The following EIF5B variants were observed in gnomAD, a reference collection of about 807,000 sequenced individuals.
EIF5B encodes the protein eukaryotic translation initiation factor 5B.
Under a neutral mutation model 147.5 loss-of-function variants are expected in EIF5B, and 47 were observed. The ratio of observed to expected loss-of-function variants is 0.32; its 90% confidence interval spans 0.25 to 0.41. The LOEUF (loss-of-function observed/expected upper bound fraction) is 0.41. EIF5B is among the 10% of genes least tolerant of loss of function. The pLI is 1.00. For synonymous variants in EIF5B, 455 were observed against 456.2 expected, an observed-to-expected ratio of 1.00 and a Z score of 0.03; for missense variants, 1,064 against 1,413.2, an observed-to-expected ratio of 0.75 and a Z score of 3.96.
At chr2:99,388,547 C>T (rs1674856292) in intron 14 of EIF5B, among the ~76,000 whole-genome samples, 1 of 152,030 alleles carries the variant, frequency 6.6e-6, no homozygotes, top group Non-Finnish European at 1.5e-5. Context: ...TTGATTGTGT[C>T]AAATTCTTTT....
chr2:99,342,141 G>A (rs564130237), intron 1 of EIF5B, among the ~76,000 whole-genome samples: 1 of 152,278 alleles, frequency 6.6e-6, no homozygotes, highest in South Asian at 2.1e-4. Flanking sequence ...TGTCTTACAG[G>A]TGCTGAGAAT....
intron 17 of EIF5B, among the ~76,000 whole-genome samples, chr2:99,392,490 T>A (rs906307533): frequency 1.3e-5 from 2 of 152,184 alleles, no homozygotes; most frequent in African/African-American, 4.8e-5. Flanking sequence ...ACTGCAGTAT[T>A]TTAGTTTCAT....
At chr2:99,381,201 G>A (rs1674680363) in intron 12 of EIF5B, among the ~76,000 whole-genome samples, 1 of 152,092 alleles carries the variant, frequency 6.6e-6, no homozygotes, top group African/African-American at 2.4e-5. Context: ...TTAGTCACTA[G>A]AGGAGAGGGT....
chr2:99,356,165 A>G lies in EIF5B; in HGVS notation c.36-4071A>G, dbSNP rs181468497. Among the ~76,000 whole-genome samples the G allele has an allele frequency of 7.2e-5, 11 of 152,210 alleles. No individual in the cohort carries two copies. The East Asian group carries it at 2.1e-3, about 29-fold the overall frequency. ...GGATACCACATTACATTTAGTCAGC[A>G]TTTATCCTTAGATTTGTCTTATCTG... On this transcript the variant is annotated intron_variant, in intron 1 of 23. Transcript: ENST00000289371.
rs544157790 is a variant in EIF5B at position 99,374,210 on chromosome 2, C to T, written c.1553-2137C>T. ...TGACTGAGGCATGAGAATCGCTTCA[C>T]CCTGGGAAGCAGAGGTTGCAGTGAG... On this transcript the variant is annotated intron_variant, in intron 9 of 23. Transcript: ENST00000289371. Among the ~76,000 whole-genome samples, 120 of 150,892 alleles carry T rather than the reference C, an allele frequency of 8.0e-4. 1 individual carries two copies. The highest frequency in any genetic ancestry group is 1.4e-3 in the Non-Finnish European group (92 of 67,846).
At chr2:99,367,430 TC>T (rs1674350191) in intron 6 of EIF5B, among the ~76,000 whole-genome samples, 1 of 47,188 alleles carries the variant, frequency 2.1e-5, no homozygotes, top group Admixed American at 4.2e-4. Context: ...CAGTTGAAAC[TC>T]TTTTTTTTTT....
At chr2:99,383,387 C>T (rs1275716966) in intron 14 of EIF5B, among the ~76,000 whole-genome samples, 1 of 152,100 alleles carries the variant, frequency 6.6e-6, no homozygotes, top group Non-Finnish European at 1.5e-5. Context: ...CTTTCTCTCT[C>T]CTTGGGCCTG....
At chr2:99,338,737 A>ATGT (rs2094250527) in intron 1 of EIF5B, among the ~76,000 whole-genome samples, 2 of 152,084 alleles carry the variant, frequency 1.3e-5, no homozygotes, top group South Asian at 4.1e-4. Flanking sequence ...GATGTAGGGG[A>ATGT]ACACAAATTT....
At chr2:99,399,169 C>T (rs1675141191) in intron 23 of EIF5B, 138 bp from the exon 24 acceptor site, 14 of 850,716 alleles carry the variant, frequency 1.6e-5, no homozygotes, top group Middle Eastern at 2.7e-4. Flanking sequence ...TGGAATTCTA[C>T]TCCCTTAGGC....
In EIF5B at chr2:99,368,867, C is replaced by G. The variant is rs765385762; in HGVS notation, c.1387+276C>G. ...AGTAAAACTACCATTCTTATCTTTT[C>G]TTGGTTTCCTTCTTAGCCTTCTGTG... is the stretch of plus-strand genomic sequence containing the variant. On this transcript the variant is annotated intron_variant, in intron 7 of 23. Coordinates refer to ENST00000289371, the MANE Select transcript of EIF5B (RefSeq NM_015904.4). 2.9e-4 allele frequency among the ~76,000 whole-genome samples: 44 copies of G among 152,290 alleles called. No homozygotes were observed. In the Middle Eastern group the frequency reaches 0.014, roughly 47 times the overall value.
At chr2:99,373,307 T>C (rs1015683992) in intron 9 of EIF5B, among the ~76,000 whole-genome samples, 1 of 152,208 alleles carries the variant, frequency 6.6e-6, no homozygotes, top group African/African-American at 2.4e-5. Context: ...TTCTGGAGGC[T>C]GGGAAGTCCA....
intron 4 of EIF5B, among the ~76,000 whole-genome samples, chr2:99,362,121 T>G (rs1450702816): frequency 6.6e-6 from 1 of 152,144 alleles, no homozygotes; most frequent in Admixed American, 6.5e-5. Flanking sequence ...AATGAAAAAT[T>G]TATTCTTCCT....
Position 99,360,250 on chromosome 2 carries a change from T to C in EIF5B, c.50T>C (p.Ile17Thr), listed in dbSNP as rs1489228720. 3 of 1,601,648 alleles carry C rather than the reference T, an allele frequency of 1.9e-6. No homozygotes were observed. The highest frequency in any genetic ancestry group is 2.5e-6 in the Non-Finnish European group (3 of 1,176,534). ...TTTCATTTAAGCACCAAGGATGACA[T>C]TGATCTTGATGCCTTGGCTGCAGAA... ...NKSEDSTKDDIDLDALAAEIE... is the reference protein window; with the variant it reads ...NKSEDSTKDDTDLDALAAEIE... Residue 17 changes from isoleucine to threonine, a missense_variant, in exon 2 of 24, where the codon ATT (isoleucine) becomes ACT (threonine). By Grantham distance (89) the Ile-to-Thr change is moderately conservative (BLOSUM62 -1). Around this residue, in one of 4 missense-constraint regions of EIF5B, gnomAD observed 458 missense variants for 451.3 expected, o/e 1.01. Coordinates refer to ENST00000289371, the MANE Select transcript of EIF5B (RefSeq NM_015904.4).
Position 99,400,759 on chromosome 2 carries a change from A to G in EIF5B, c.*1345A>G, listed in dbSNP as rs1675268784. 6.5e-6 allele frequency: 1 copy of G among 152,690 alleles called. No individual in the cohort carries two copies. Among genetic ancestry groups the G allele is most frequent in the African/African-American group, 2.4e-5 (1 of 41,458 alleles). 9.5% of individuals were successfully genotyped at this position (152,690 alleles called of 1,614,324 possible). On this transcript the variant is annotated 3_prime_UTR_variant, in exon 24 of 24. Coordinates refer to ENST00000289371, the MANE Select transcript of EIF5B (RefSeq NM_015904.4). ...AACATGCTCCTGTGTTCATGCTTGG[A>G]GACAAGAATAAGATGGTTTAGAAGC...
rs564721304 is a variant in EIF5B, at chr2:99,382,803, C to G, written c.2153C>G (p.Ser718Cys). 3.1e-6 allele frequency: 5 copies of G among 1,609,906 alleles called. No homozygotes were observed. The highest frequency in any genetic ancestry group is 2.7e-5 in the African/African-American group (2 of 74,762). ...SFSNLRNRGS[S>C]LCDIAILVVD... ...AGTAATCTGAGAAATAGAGGAAGCT[C>G]TCTTTGTGACATTGCCATTTTAGTT... Residue 718 changes from serine to cysteine, a missense_variant, in exon 14 of 24, where the codon TCT becomes TGT. This residue lies in a region of EIF5B where 380 missense variants were observed against 715.6 expected (regional missense o/e 0.53). Transcript: ENST00000289371.
chr2:99,367,782 T>C (rs900596606), intron 6 of EIF5B, among the ~76,000 whole-genome samples: 10 of 152,138 alleles, frequency 6.6e-5, no homozygotes, highest in Admixed American at 2.0e-4. Context: ...GTGGTGGGAA[T>C]GCAAGATAGT....
intron 1 of EIF5B, among the ~76,000 whole-genome samples, chr2:99,355,467 T>C (rs1325730116): frequency 6.6e-6 from 1 of 152,166 alleles, no homozygotes; most frequent in Non-Finnish European, 1.5e-5. Context: ...ATTTCTTTCA[T>C]AAGCATTTTG....
chr2:99,394,420 C>G, intron 19 of EIF5B, 22 bp downstream of exon 19: 1 of 1,613,594 alleles, frequency 6.2e-7, no homozygotes, highest in Non-Finnish European at 8.5e-7. Context: ...CAACTCGCTC[C>G]ACAAGTGAAT....
intron 1 of EIF5B, among the ~76,000 whole-genome samples, chr2:99,351,758 C>G (rs1239896680): frequency 6.6e-6 from 1 of 151,842 alleles, no homozygotes; most frequent in African/African-American, 2.4e-5. Context: ...AGTGCAGTGG[C>G]GTGATCTTGG....
Sources: allele counts gnomAD v4.1 joint callset (sites outside exome capture counted in the v4.1 genomes callset), GRCh38; gene constraint gnomAD v4.1.1; regional missense constraint gnomAD v4.1.1; transcripts MANE v1.5; gene names NCBI Gene and HGNC (gene_info 2026-07-23, HGNC 2026-07-21).